Variants in DST observed in about 807,000 individuals in gnomAD.
The protein encoded by DST is dystonin, also known as bullous pemphigoid antigen.
DST carries 253 observed loss-of-function variants against 875.2 expected under a neutral mutation model. The observed-to-expected ratio is 0.29, with a 90% CI of 0.26 to 0.32. DST has a LOEUF of 0.32. Ranked by LOEUF, DST falls within the 10% of genes least tolerant of loss-of-function variation. DST has a pLI of 1.00. For missense variants in DST, 8,287 were observed against 9,111.6 expected, an observed-to-expected ratio of 0.91 and a Z score of 3.68; for synonymous variants, 3,124 against 3,197.1, an observed-to-expected ratio of 0.98 and a Z score of 0.77.
chr6:56,763,575 G>A (rs1304024912), intron 4 of DST, among the ~76,000 whole-genome samples: 1 of 151,894 alleles, frequency 6.6e-6, no homozygotes, highest in Non-Finnish European at 1.5e-5. Flanking sequence ...AGGAGGCTGA[G>A]GAACAAGAAT....
Position 56,643,082 on chromosome 6 carries a change from A to G in DST, c.1779-579T>C, listed in dbSNP as rs2098921737. 8.9e-6 allele frequency: 4 copies of G among 451,868 alleles called. No individual in the cohort carries two copies. The South Asian group carries it at 1.0e-4, about 11-fold the overall frequency. 28.0% of individuals were successfully genotyped at this position (451,868 alleles called of 1,614,324 possible). A position where few individuals can be genotyped will look rare whatever the true frequency, so the allele number is the denominator to read the frequency against. On this transcript the variant is annotated intron_variant, in intron 15 of 103. Transcript: ENST00000680361. ...AAGCAGGCAGATTGGGCGTCACTGG[A>G]AAGGATATGCCAAATATTTGCACTA...
At chr6:56,938,108 C>CTCTCTCTATATATATATATA (rs1383243392) in intron 2 of DST, among the ~76,000 whole-genome samples, 2 of 120,752 alleles carry the variant, frequency 1.7e-5, no homozygotes, top group African/African-American at 7.0e-5. Flanking sequence ...CTCTCTCTCT[C>CTCTCTCTATATATATATATA]TATATATATA....
intron 2 of DST, among the ~76,000 whole-genome samples, chr6:56,951,206 G>C (rs1194349681): frequency 2.0e-5 from 3 of 152,170 alleles, no homozygotes; most frequent in Admixed American, 1.3e-4. Context: ...ATCTGTACAA[G>C]GGCTAGCCCA....
intron 36 of DST, chr6:56,614,939 CATA>C (rs761744407): frequency 2.0e-6 from 2 of 991,228 alleles, no homozygotes; most frequent in Non-Finnish European, 2.4e-6. Context: ...ACATAATATT[CATA>C]ATGTTAGCTT....
intron 2 of DST, among the ~76,000 whole-genome samples, chr6:56,953,313 A>G (rs1823312729): frequency 6.6e-6 from 1 of 152,230 alleles, no homozygotes; most frequent in Non-Finnish European, 1.5e-5. Context: ...TGCAAAAATC[A>G]TCAGATGGTC....
intron 3 of DST, among the ~76,000 whole-genome samples, chr6:56,866,846 A>G (rs544078447): frequency 4.6e-5 from 7 of 152,378 alleles, no homozygotes; most frequent in African/African-American, 1.4e-4. Context: ...ATGAACAGTA[A>G]AAGAATTTTG....
intron 72 of DST, among the ~76,000 whole-genome samples, chr6:56,512,756 T>C (rs1240408293): frequency 6.6e-6 from 1 of 152,138 alleles, no homozygotes; most frequent in Non-Finnish European, 1.5e-5. Flanking sequence ...CTATCACCAA[T>C]GTAATAAAAT....
At chr6:56,531,964 A>G (rs1219041844) in intron 64 of DST, among the ~76,000 whole-genome samples, 1 of 152,156 alleles carries the variant, frequency 6.6e-6, no homozygotes, top group Non-Finnish European at 1.5e-5. Flanking sequence ...CATCACATTT[A>G]TCATTACTTC....
At chr6:56,562,913 T>C (rs1240291482) in intron 55 of DST, among the ~76,000 whole-genome samples, 1 of 152,198 alleles carries the variant, frequency 6.6e-6, no homozygotes, top group South Asian at 2.1e-4. Context: ...GGAAAGGACA[T>C]GAACATATCC....
At chr6:56,917,898 A>G (rs1008851496) in intron 2 of DST, among the ~76,000 whole-genome samples, 2 of 152,192 alleles carry the variant, frequency 1.3e-5, no homozygotes, top group African/African-American at 4.8e-5. Context: ...CAAATTAGAA[A>G]CTAAATCCAC....
intron 85 of DST, among the ~76,000 whole-genome samples, chr6:56,491,628 T>A (rs551902551): frequency 2.0e-5 from 3 of 152,144 alleles, no homozygotes; most frequent in African/African-American, 7.2e-5. Context: ...CCCCAAAAGA[T>A]TCAAAAAAAT....
At chr6:56,657,107 T>A (rs566015102) in intron 10 of DST, among the ~76,000 whole-genome samples, 34 of 152,234 alleles carry the variant, frequency 2.2e-4, no homozygotes, top group African/African-American at 6.5e-4. Context: ...AAAACCCTTC[T>A]TTCTAATAAT....
Position 56,869,690 on chromosome 6 carries a change from A to ATTTTAT in DST, c.418-18092_418-18087dup, listed in dbSNP as rs1406537503. 5.7e-4 allele frequency among the ~76,000 whole-genome samples: 86 copies of ATTTTAT among 151,940 alleles called. No individual in the cohort carries two copies. The Middle Eastern group carries it at 0.01, about 18-fold the overall frequency. On this transcript the variant is annotated intron_variant, in intron 3 of 103. Transcript: ENST00000680361. ...CAGTATGAAAAACTCTGAAACTGAG[A>ATTTTAT]TTTTATTTTTATTTATTTTTTTGAG...
At chr6:56,680,776 G>A (rs750524145) in intron 9 of DST, among the ~76,000 whole-genome samples, 2 of 152,046 alleles carry the variant, frequency 1.3e-5, no homozygotes, top group African/African-American at 2.4e-5. Flanking sequence ...GGCTTTAACT[G>A]CCACCTTGAC....
chr6:56,588,162 T>C (rs1450914371), intron 49 of DST, among the ~76,000 whole-genome samples: 1 of 152,148 alleles, frequency 6.6e-6, no homozygotes, highest in Non-Finnish European at 1.5e-5. Flanking sequence ...CTTAGTAGTC[T>C]CCCTTGACAA....
intron 8 of DST, 29 bp downstream of exon 8, chr6:56,701,859 A>T: frequency 7.3e-7 from 1 of 1,360,992 alleles, no homozygotes; most frequent in Non-Finnish European, 1.0e-6. Context: ...ATATATTTAT[A>T]TGATTACAGT....
At position 56,607,160 on chromosome 6, in the gene DST, A is replaced by T; in HGVS notation, c.7468T>A (p.Phe2490Ile). ...QRIGEKFQDQFLGIAAINISL... is the reference protein window; with the variant it reads ...QRIGEKFQDQILGIAAINISL... ...ATGTTAATAGCTGCAATTCCCAGAA[A>T]CTGGTCTTGAAATTTTTCTCCTATT... Residue 2490 changes from phenylalanine to isoleucine, a missense_variant, in exon 40 of 104, where the codon TTT becomes ATT. Phe to Ile is a conservative substitution (Grantham distance 21). Coordinates refer to ENST00000680361, the MANE Select transcript of DST (RefSeq NM_001374736.1). 2 of 1,613,372 alleles carry T rather than the reference A, an allele frequency of 1.2e-6. No individual in the cohort carries two copies. The highest frequency in any genetic ancestry group is 2.7e-5 in the African/African-American group (2 of 74,998).
intron 61 of DST, among the ~76,000 whole-genome samples, chr6:56,537,967 G>T (rs1222818668): frequency 1.3e-5 from 2 of 151,972 alleles, no homozygotes; most frequent in African/African-American, 4.8e-5. Flanking sequence ...GATAATACTG[G>T]GAGTAGATAC....
chr6:56,483,099 C>T (rs2095450876), intron 88 of DST, among the ~76,000 whole-genome samples: 1 of 152,176 alleles, frequency 6.6e-6, no homozygotes, highest in Non-Finnish European at 1.5e-5. Context: ...AGTCCTGTCA[C>T]ATTCTCATGA....
Sources: gnomAD v4.1 joint callset for allele counts (sites outside exome capture counted in the v4.1 genomes callset) on GRCh38, gnomAD v4.1.1 for gene constraint, MANE v1.5 for transcripts, NCBI Gene and HGNC (gene_info 2026-07-23, HGNC 2026-07-21) for gene names.